The following ADGRV1 variants were observed in gnomAD, a reference collection of about 807,000 sequenced individuals.
The protein encoded by ADGRV1 is G-protein coupled receptor 98.
A neutral mutation model predicts 596.2 loss-of-function variants in ADGRV1; 359 were observed. That is an observed-to-expected ratio of 0.60 (90% CI 0.55 to 0.66). ADGRV1 has a LOEUF of 0.66. Among genes scored for constraint, ADGRV1 ranks in the 30% least tolerant of loss-of-function variants. The probability of loss-of-function intolerance (pLI) is 0.00; values close to 1 mark genes in which losing one functional copy is unlikely to be tolerated. For synonymous variants in ADGRV1, 2,681 were observed against 2,679.2 expected, an observed-to-expected ratio of 1.00 and a Z score of -0.02; for missense variants, 7,274 against 7,575.6, an observed-to-expected ratio of 0.96 and a Z score of 1.48.
chr5:90,870,918 T>A (rs930875415), intron 83 of ADGRV1, among the ~76,000 whole-genome samples: 5 of 152,234 alleles, frequency 3.3e-5, no homozygotes, highest in African/African-American at 1.2e-4. Context: ...TGTGATTAAT[T>A]TGAATTTTTT....
At chr5:90,611,574 A>C (rs1762732466) in intron 1 of ADGRV1, among the ~76,000 whole-genome samples, 1 of 152,016 alleles carries the variant, frequency 6.6e-6, no homozygotes. Context: ...GAATGATGTC[A>C]GTGATGCTAA....
chr5:90,966,040 T>C (rs995490170), intron 84 of ADGRV1, among the ~76,000 whole-genome samples: 1 of 152,148 alleles, frequency 6.6e-6, no homozygotes, highest in African/African-American at 2.4e-5. Flanking sequence ...GAGATTTTTT[T>C]AAGCTAGAAC....
At chr5:90,973,816 A>G (rs1779291829) in intron 84 of ADGRV1, among the ~76,000 whole-genome samples, 1 of 151,888 alleles carries the variant, frequency 6.6e-6, no homozygotes, top group African/African-American at 2.4e-5. Flanking sequence ...CTCTCTCACC[A>G]CTCCTATTCA....
At chr5:91,086,650 G>A (rs557380934) in intron 86 of ADGRV1, among the ~76,000 whole-genome samples, 2 of 152,066 alleles carry the variant, frequency 1.3e-5, no homozygotes, top group East Asian at 1.9e-4. Context: ...TCTGATTTGA[G>A]GGTACTACTA....
chr5:90,604,597 G>T (rs904147596), intron 1 of ADGRV1, among the ~76,000 whole-genome samples: 3 of 152,020 alleles, frequency 2.0e-5, no homozygotes, highest in Admixed American at 6.5e-5. Context: ...AGTTACAGGG[G>T]TCAAAAATCT....
chr5:90,812,602 C>T (rs1181816073), intron 74 of ADGRV1, among the ~76,000 whole-genome samples: 2 of 152,066 alleles, frequency 1.3e-5, no homozygotes, highest in African/African-American at 2.4e-5. Flanking sequence ...TCCTAGAGTT[C>T]GTATTTTATT....
chr5:90,662,187 C>CTTTTTTTT lies in ADGRV1; in HGVS notation c.4752+3922_4752+3929dup, dbSNP rs5869513. ...TGTTTAATCATTTTTGGTTAAACAA[C>CTTTTTTTT]TTTTTTTTTTTTTTTTTTTTGAGAC... is the stretch of plus-strand genomic sequence containing the variant. On this transcript the variant is annotated intron_variant, in intron 21 of 89. Transcript: ENST00000405460. 2.3e-5 allele frequency among the ~76,000 whole-genome samples: 3 copies of CTTTTTTTT among 130,860 alleles called. 1 individual carries two copies. Among genetic ancestry groups the CTTTTTTTT allele is most frequent in the African/African-American group, 8.8e-5 (3 of 34,282 alleles). The allele number at this position is 130,860 out of a possible 152,430, so 85.8% of individuals were successfully genotyped here.
intron 72 of ADGRV1, among the ~76,000 whole-genome samples, chr5:90,806,050 A>G (rs1260541828): frequency 6.6e-6 from 1 of 152,196 alleles, no homozygotes; most frequent in African/African-American, 2.4e-5. Flanking sequence ...GCCAAACGCC[A>G]TTTACACTCA....
rs1764977172 is a variant in ADGRV1, at chr5:90,627,846, T to G, written c.1238+70T>G. On this transcript the variant is annotated intron_variant, in intron 7 of 89. Coordinates refer to ENST00000405460, the MANE Select transcript of ADGRV1 (RefSeq NM_032119.4). Reference sequence around the variant, plus strand: ...TATTCCAGATTTAAGTTTTGTGGTGTTGGACACAACAATGAACTGTTAGAA... The same window carrying G: ...TATTCCAGATTTAAGTTTTGTGGTGGTGGACACAACAATGAACTGTTAGAA... 6 of 1,020,898 alleles carry G rather than the reference T, an allele frequency of 5.9e-6. No homozygotes were observed. In the East Asian group the frequency reaches 8.0e-5, roughly 14 times the overall value. 63.2% of individuals were successfully genotyped at this position (1,020,898 alleles called of 1,614,324 possible).
intron 1 of ADGRV1, among the ~76,000 whole-genome samples, chr5:90,567,477 C>A (rs1437493622): frequency 6.6e-6 from 1 of 152,082 alleles, no homozygotes; most frequent in Non-Finnish European, 1.5e-5. Context: ...ATTACTAATT[C>A]AATCTATTTA....
intron 1 of ADGRV1, among the ~76,000 whole-genome samples, chr5:90,596,832 C>T (rs376500948): frequency 6.7e-6 from 1 of 148,700 alleles, no homozygotes; most frequent in Non-Finnish European, 1.5e-5. Context: ...AGGGAGAGGG[C>T]GAGGGAGAGG....
Position 90,712,402 on chromosome 5 carries a change from G to T in ADGRV1, c.9158G>T (p.Gly3053Val). 6.3e-7 allele frequency: 1 copy of T among 1,590,262 alleles called. No homozygotes were observed. The highest frequency in any genetic ancestry group is 1.1e-5 in the South Asian group (1 of 87,526). Residue 3053 changes from glycine to valine, a missense_variant, in exon 42 of 90, where the codon GGA (glycine) becomes GTA (valine). Physicochemically the swap from Gly to Val is moderately radical, Grantham distance 109 (BLOSUM62 -3). Around this residue, in one of 5 missense-constraint regions of ADGRV1, gnomAD observed 3,643 missense variants for 3,809.2 expected, o/e 0.96. Coordinates refer to ENST00000405460, the MANE Select transcript of ADGRV1 (RefSeq NM_032119.4). ...FQLILTNPSPGLELGKNTIAL... is the reference protein window; with the variant it reads ...FQLILTNPSPVLELGKNTIAL... ...CTGATTTTAACAAATCCTTCTCCTGGACTAGAGCTAGGGAAAAATACAATA... is the reference window on the plus strand; with the variant it reads ...CTGATTTTAACAAATCCTTCTCCTGTACTAGAGCTAGGGAAAAATACAATA...
chr5:90,676,312 A>G, intron 25 of ADGRV1, 103 bp downstream of exon 25: 1 of 1,026,182 alleles, frequency 9.7e-7, no homozygotes, highest in Non-Finnish European at 1.4e-6. Flanking sequence ...AATCTTACTT[A>G]AATAAATGAA....
chr5:90,600,311 C>G (rs192081836), intron 1 of ADGRV1, among the ~76,000 whole-genome samples: 1 of 152,154 alleles, frequency 6.6e-6, no homozygotes, highest in African/African-American at 2.4e-5. Flanking sequence ...CCCTTCCCCC[C>G]ACCTCACAAC....
chr5:90,855,878 C>A lies in ADGRV1; in HGVS notation c.17732C>A (p.Thr5911Asn). The A allele has an allele frequency of 6.2e-7, 1 of 1,612,872 alleles. No homozygotes were observed. The highest frequency in any genetic ancestry group is 8.5e-7 in the Non-Finnish European group (1 of 1,178,990). Residue 5911 changes from threonine (T) to asparagine (N), a missense_variant, in exon 82 of 90, where the codon ACT (threonine) becomes AAT (asparagine). Around this residue, in one of 5 missense-constraint regions of ADGRV1, gnomAD observed 1,874 missense variants for 1,970.2 expected, o/e 0.95. Coordinates refer to ENST00000405460, the MANE Select transcript of ADGRV1 (RefSeq NM_032119.4). ...NLSSYNEAFF[T>N]SGFICISGLC... is the part of the protein sequence containing the mutation. ...TCTTCATACAATGAAGCCTTCTTCA[C>A]TTCTGGATTTATATGTATCTCAGGT...
At chr5:90,958,762 TCTTAA>T (rs1208977796) in intron 83 of ADGRV1, among the ~76,000 whole-genome samples, 1 of 152,202 alleles carries the variant, frequency 6.6e-6, no homozygotes, top group African/African-American at 2.4e-5. Context: ...AAAGACCTCT[TCTTAA>T]CTTAATTACC....
intron 84 of ADGRV1, among the ~76,000 whole-genome samples, chr5:90,971,725 T>C (rs74685915): frequency 2.6e-5 from 4 of 152,060 alleles, no homozygotes; most frequent in Non-Finnish European, 5.9e-5. Flanking sequence ...AAGGAACAAC[T>C]GGTACCAGCC....
intron 85 of ADGRV1, among the ~76,000 whole-genome samples, chr5:91,011,397 G>C (rs966552372): frequency 6.6e-6 from 1 of 151,852 alleles, no homozygotes; most frequent in Admixed American, 6.6e-5. Flanking sequence ...TCACAGTTGT[G>C]TGTCTGTTTC....
intron 71 of ADGRV1, among the ~76,000 whole-genome samples, chr5:90,804,741 G>A (rs1006108068): frequency 6.6e-6 from 1 of 152,074 alleles, no homozygotes; most frequent in Non-Finnish European, 1.5e-5. Flanking sequence ...TGGGAACGTT[G>A]CACATAAAAC....
Sources: allele counts gnomAD v4.1 joint callset (sites outside exome capture counted in the v4.1 genomes callset), GRCh38; gene constraint gnomAD v4.1.1; regional missense constraint gnomAD v4.1.1; transcripts MANE v1.5; gene names NCBI Gene and HGNC (gene_info 2026-07-23, HGNC 2026-07-21).